Variants in PNLIPRP3 observed in about 807,000 individuals in gnomAD.
PNLIPRP3 encodes the protein pancreatic lipase related protein 3.
A neutral mutation model predicts 52.8 loss-of-function variants in PNLIPRP3; 58 were observed. The ratio of observed to expected loss-of-function variants is 1.10; its 90% confidence interval spans 0.89 to 1.37. The LOEUF (loss-of-function observed/expected upper bound fraction) is 1.37. PNLIPRP3 is among the 40% of genes most tolerant of loss of function. The probability of loss-of-function intolerance (pLI) is 0.00; values close to 1 mark genes in which losing one functional copy is unlikely to be tolerated. For missense variants in PNLIPRP3, 593 were observed against 561.6 expected (o/e 1.06, Z -0.57); for synonymous variants, 192 against 185.0 (o/e 1.04, Z -0.31).
chr10:116,456,450 A>C (rs1846114522), intron 5 of PNLIPRP3, among the ~76,000 whole-genome samples: 1 of 152,162 alleles, frequency 6.6e-6, no homozygotes. Context: ...GTGCCCCCAA[A>C]ATATGGACAA....
Position 116,443,156 on chromosome 10 carries a change from G to A in PNLIPRP3, c.306G>A (p.Trp102Ter). The A allele has an allele frequency of 6.2e-7, 1 of 1,610,514 alleles. No individual in the cohort carries two copies. Among genetic ancestry groups the A allele is most frequent in the Non-Finnish European group, 8.5e-7 (1 of 1,177,930 alleles). Reference protein sequence around the residue: ...NIAGWKTDGKWQRDMCNVLLQ... With the variant: ...NIAGWKTDGK ...CTGGATGGAAAACAGATGGCAAATG[G>A]CAGAGAGACATGTGCAATGTATGAC... The change falls in exon 3 of 12, where the codon TGG becomes TGA. Residue 102 changes from tryptophan (W) to a stop codon, truncating the protein, a stop_gained. Coordinates refer to ENST00000369230, the MANE Select transcript of PNLIPRP3 (RefSeq NM_001011709.3). LOFTEE classifies it high-confidence loss of function.
intron 2 of PNLIPRP3, among the ~76,000 whole-genome samples, chr10:116,442,338 T>C (rs1845870791): frequency 6.6e-6 from 1 of 152,188 alleles, no homozygotes; most frequent in South Asian, 2.1e-4. Flanking sequence ...GATTCTAACC[T>C]CAATTCCTTA....
At chr10:116,443,672 T>G (rs1000885321) in intron 3 of PNLIPRP3, among the ~76,000 whole-genome samples, 1 of 132,748 alleles carries the variant, frequency 7.5e-6, no homozygotes, top group Admixed American at 7.8e-5. Context: ...ATAACACATA[T>G]ATATAAACAC....
chr10:116,445,904 C>T (rs967834408), intron 4 of PNLIPRP3, among the ~76,000 whole-genome samples: 2 of 152,100 alleles, frequency 1.3e-5, no homozygotes, highest in African/African-American at 4.8e-5. Flanking sequence ...CACAATTCAC[C>T]ACCTGGATTG....
At chr10:116,429,249 T>G in intron 1 of PNLIPRP3, among the ~76,000 whole-genome samples, 1 of 152,194 alleles carries the variant, frequency 6.6e-6, no homozygotes, top group Admixed American at 6.6e-5. Context: ...AAGGTATATA[T>G]GAAACATAAA....
intron 2 of PNLIPRP3, chr10:116,439,525 C>A: frequency 1.3e-6 from 1 of 799,802 alleles, no homozygotes; most frequent in Non-Finnish European, 2.1e-6. Context: ...TTTTTCCGGG[C>A]AACTTTAGCA....
intron 4 of PNLIPRP3, 84 bp downstream of exon 4, chr10:116,444,597 T>A: frequency 7.4e-7 from 1 of 1,345,058 alleles, no homozygotes; most frequent in Non-Finnish European, 1.0e-6. Context: ...TAATGTCTTT[T>A]TTTATTAGCT....
rs10736251 is a variant in PNLIPRP3 at position 116,471,848 on chromosome 10, G to A, written c.1141G>A (p.Val381Ile). The A allele has an allele frequency of 0.99, 1,592,103 of 1,607,460 alleles. 789,578 individuals are homozygous for A. The highest frequency in any genetic ancestry group is 1 in the East Asian group (44,744 of 44,744). ...TGTCTTTCTTCGTGTAGGCGGGGCA[G>A]TTAGGAAAACTGGGGAGTTTGCCAT... ...GTVFLRVGGA[V>I]RKTGEFAIVS... The change falls in exon 10 of 12, where the codon GTT becomes ATT. Residue 381 changes from valine to isoleucine, a missense_variant. Physicochemically the swap from Val to Ile is conservative, Grantham distance 29. Coordinates refer to ENST00000369230, the MANE Select transcript of PNLIPRP3 (RefSeq NM_001011709.3).
At chr10:116,470,603 A>G (rs1311893024) in intron 9 of PNLIPRP3, among the ~76,000 whole-genome samples, 2 of 150,334 alleles carry the variant, frequency 1.3e-5, no homozygotes, top group East Asian at 3.9e-4. Context: ...TCCACCTCCC[A>G]GGTTCATGCC....
chr10:116,469,954 A>G (rs1846339993), intron 9 of PNLIPRP3, among the ~76,000 whole-genome samples: 1 of 129,386 alleles, frequency 7.7e-6, no homozygotes, highest in Non-Finnish European at 1.6e-5. Context: ...TTACACAATT[A>G]TTGCCACAAT....
rs531677464 is a variant in PNLIPRP3 at position 116,439,563 on chromosome 10, T to G, written c.204+2698T>G. The G allele has an allele frequency of 2.5e-5, 21 of 845,580 alleles. No homozygotes were observed. The African/African-American group carries it at 2.8e-4, about 11-fold the overall frequency. The allele number at this position is 845,580 out of a possible 1,614,324, so 52.4% of individuals were successfully genotyped here. A position where few individuals can be genotyped will look rare whatever the true frequency, so the allele number is the denominator to read the frequency against. On this transcript the variant is annotated intron_variant, in intron 2 of 11. Transcript: ENST00000369230. ...ACGCTTTGCGCCATCAAACTTTACT[T>G]TCGACTTATAGTCAGCAACATCCTT...
At chr10:116,437,338 A>G (rs1336549064) in intron 2 of PNLIPRP3, among the ~76,000 whole-genome samples, 1 of 152,188 alleles carries the variant, frequency 6.6e-6, no homozygotes, top group African/African-American at 2.4e-5. Flanking sequence ...CCTTGAGGTC[A>G]GGGATGGAAC....
chr10:116,470,877 T>C (rs1021853097), intron 9 of PNLIPRP3, among the ~76,000 whole-genome samples: 18 of 152,116 alleles, frequency 1.2e-4, no homozygotes, highest in African/African-American at 3.9e-4. Context: ...TCCTTTGTAT[T>C]GTGGTCAAAT....
intron 4 of PNLIPRP3, among the ~76,000 whole-genome samples, chr10:116,445,942 T>G (rs1486253634): frequency 6.6e-6 from 1 of 152,014 alleles, no homozygotes; most frequent in Non-Finnish European, 1.5e-5. Context: ...TGCTTGGGAA[T>G]GGGGTAGGAA....
chr10:116,447,386 T>C (rs1424604707), intron 4 of PNLIPRP3, among the ~76,000 whole-genome samples: 1 of 152,186 alleles, frequency 6.6e-6, no homozygotes, highest in Non-Finnish European at 1.5e-5. Flanking sequence ...TGGCTATTTT[T>C]TCTAATGTGC....
intron 4 of PNLIPRP3, among the ~76,000 whole-genome samples, chr10:116,448,792 G>T (rs1266158748): frequency 6.6e-6 from 1 of 152,100 alleles, no homozygotes; most frequent in Non-Finnish European, 1.5e-5. Flanking sequence ...GAGGCAGGCG[G>T]ATCACTTGAG....
chr10:116,469,424 T>G, intron 9 of PNLIPRP3, 107 bp downstream of exon 9: 9 of 1,180,898 alleles, frequency 7.6e-6, no homozygotes, highest in Non-Finnish European at 1.0e-5. Context: ...TAGGCCAGAC[T>G]GGGATTTCAG....
intron 5 of PNLIPRP3, among the ~76,000 whole-genome samples, 200 bp from the exon 6 acceptor site, chr10:116,460,766 C>T (rs552181790): frequency 6.6e-6 from 1 of 152,140 alleles, no homozygotes; most frequent in African/African-American, 2.4e-5. Flanking sequence ...ATTGTCTCAA[C>T]ATAGCATTAC....
chr10:116,464,915 TGCGTGGGGTGGGATG>T (rs1307806240), intron 7 of PNLIPRP3, among the ~76,000 whole-genome samples: 3 of 152,214 alleles, frequency 2.0e-5, no homozygotes, highest in Non-Finnish European at 2.9e-5. Flanking sequence ...AGCTTCCTGA[TGCGTGGGGTGGGATG>T]GCTACAGTGT....
Sources: allele counts gnomAD v4.1 joint callset (sites outside exome capture counted in the v4.1 genomes callset), GRCh38; gene constraint gnomAD v4.1.1; transcripts MANE v1.5; gene names NCBI Gene and HGNC (gene_info 2026-07-23, HGNC 2026-07-21).